Variants in ADAMTSL1 observed in about 807,000 individuals in gnomAD.
ADAMTSL1 encodes the protein ADAMTS-like protein 1.
In ADAMTSL1, 126 loss-of-function variants were observed where a neutral mutation model predicts 201.8. That is an observed-to-expected ratio of 0.62 (90% CI 0.54 to 0.72). The LOEUF is 0.72. ADAMTSL1 is among the 30% of genes least tolerant of loss of function. The probability of loss-of-function intolerance (pLI) is 0.00; values close to 1 mark genes in which losing one functional copy is unlikely to be tolerated. For missense variants in ADAMTSL1, 2,679 were observed against 2,277.8 expected (o/e 1.18, Z -3.59); for synonymous variants, 1,121 against 903.4 (o/e 1.24, Z -4.32).
At chr9:17,950,949 G>T (rs1441938456) in intron 1 of ADAMTSL1, among the ~76,000 whole-genome samples, 1 of 152,136 alleles carries the variant, frequency 6.6e-6, no homozygotes, top group Non-Finnish European at 1.5e-5. Context: ...CCCTAGGCTT[G>T]ACCCAGGGTT....
intron 4 of ADAMTSL1, among the ~76,000 whole-genome samples, chr9:18,590,808 T>C (rs2132475678): frequency 6.6e-6 from 1 of 152,234 alleles, no homozygotes; most frequent in African/African-American, 2.4e-5. Flanking sequence ...TCCATGTATT[T>C]GTATAGTTTC....
intron 2 of ADAMTSL1, among the ~76,000 whole-genome samples, chr9:18,383,717 A>AC (rs1837661826): frequency 1.3e-5 from 2 of 152,182 alleles, no homozygotes; most frequent in African/African-American, 4.8e-5. Context: ...ACACTGTCCT[A>AC]CCTTGAGGCT....
chr9:18,177,101 T>C (rs1401185112), intron 2 of ADAMTSL1, among the ~76,000 whole-genome samples: 2 of 152,182 alleles, frequency 1.3e-5, no homozygotes, highest in African/African-American at 4.8e-5. Flanking sequence ...CCTGACTCCA[T>C]TTAGAAAGTA....
chr9:18,614,257 G>C (rs1235151487), intron 4 of ADAMTSL1, among the ~76,000 whole-genome samples: 1 of 152,104 alleles, frequency 6.6e-6, no homozygotes, highest in Non-Finnish European at 1.5e-5. Flanking sequence ...GCCAGGTGTG[G>C]GGAGGATGTG....
intron 1 of ADAMTSL1, among the ~76,000 whole-genome samples, chr9:18,034,975 C>G (rs189450816): frequency 4.5e-4 from 69 of 152,208 alleles, no homozygotes; most frequent in African/African-American, 1.5e-3. Context: ...TAGTCTGTAT[C>G]CTGTGTTCTA....
chr9:18,622,365 C>G lies in ADAMTSL1; in HGVS notation c.597C>G (p.Thr199=), dbSNP rs777877015. The G allele has an allele frequency of 2.0e-5, 33 of 1,613,916 alleles. No homozygotes were observed. Among genetic ancestry groups the G allele is most frequent in the Middle Eastern group, 1.6e-4 (1 of 6,082 alleles). Residue 199 remains threonine, a synonymous_variant, in exon 5 of 29, where the codon ACC becomes ACG. Coordinates refer to ENST00000380548, the MANE Select transcript of ADAMTSL1 (RefSeq NM_001040272.6). The stretch of plus-strand genomic sequence containing the variant: ...AGTATAAATCCCAGCTCTCCGCAAC[C>G]AAATGTAAGACACACAGAGATGGGC... ...RGQYKSQLSA[T]KSDDTVVAIP...
At chr9:18,276,985 T>A (rs2132609194) in intron 2 of ADAMTSL1, among the ~76,000 whole-genome samples, 1 of 152,328 alleles carries the variant, frequency 6.6e-6, no homozygotes, top group South Asian at 2.1e-4. Context: ...TAAATTTCCC[T>A]TTTAATTTCT....
intron 1 of ADAMTSL1, among the ~76,000 whole-genome samples, chr9:18,075,426 C>G (rs1823174461): frequency 6.6e-6 from 1 of 152,250 alleles, no homozygotes; most frequent in East Asian, 1.9e-4. Flanking sequence ...TACGTTGGGA[C>G]TCACCCCACC....
chr9:18,150,985 G>C (rs529745867), intron 1 of ADAMTSL1, among the ~76,000 whole-genome samples: 1 of 152,014 alleles, frequency 6.6e-6, no homozygotes, highest in East Asian at 1.9e-4. Flanking sequence ...GATCCCCAGT[G>C]GAGAATGAAG....
intron 2 of ADAMTSL1, among the ~76,000 whole-genome samples, chr9:18,524,518 C>T (rs900522820): frequency 6.6e-6 from 1 of 152,048 alleles, no homozygotes; most frequent in Admixed American, 6.6e-5. Context: ...TGTTTTGTGC[C>T]AGTTTTCAAA....
chr9:18,595,858 G>C (rs1218295075), intron 4 of ADAMTSL1, among the ~76,000 whole-genome samples: 1 of 152,154 alleles, frequency 6.6e-6, no homozygotes, highest in Non-Finnish European at 1.5e-5. Context: ...AAGCAAGTTT[G>C]GCAGAGCAGA....
chr9:18,338,389 C>T (rs1433785038), intron 2 of ADAMTSL1, among the ~76,000 whole-genome samples: 2 of 152,080 alleles, frequency 1.3e-5, no homozygotes, highest in Non-Finnish European at 2.9e-5. Context: ...CAGGTTCCTA[C>T]CCTTCCTGCC....
intron 2 of ADAMTSL1, among the ~76,000 whole-genome samples, chr9:18,250,288 A>G (rs1314481103): frequency 6.6e-6 from 1 of 152,192 alleles, no homozygotes; most frequent in Non-Finnish European, 1.5e-5. Flanking sequence ...GAAATGTCTG[A>G]CAAATGTCCA....
intron 19 of ADAMTSL1, among the ~76,000 whole-genome samples, chr9:18,778,226 C>A (rs1034048060): frequency 6.6e-6 from 1 of 152,226 alleles, no homozygotes; most frequent in South Asian, 2.1e-4. Flanking sequence ...AGAAAGACAT[C>A]ATTCCAGGCC....
chr9:18,314,438 G>A (rs1159889230), intron 2 of ADAMTSL1, among the ~76,000 whole-genome samples: 1 of 151,984 alleles, frequency 6.6e-6, no homozygotes, highest in African/African-American at 2.4e-5. Flanking sequence ...TTGTGATCTC[G>A]CTGACTTCAG....
chr9:18,605,398 T>C (rs765971737), intron 4 of ADAMTSL1, among the ~76,000 whole-genome samples: 1 of 152,228 alleles, frequency 6.6e-6, no homozygotes, highest in African/African-American at 2.4e-5. Flanking sequence ...AAAGCGGTTA[T>C]GTTGAAAACA....
chr9:18,910,513 G>A lies in ADAMTSL1; in HGVS notation c.*1965G>A, dbSNP rs1007822305. 9 of 152,204 alleles carry A rather than the reference G, an allele frequency of 5.9e-5. No homozygotes were observed. Among genetic ancestry groups the A allele is most frequent in the African/African-American group, 1.9e-4 (8 of 41,448 alleles). 9.4% of individuals were successfully genotyped at this position (152,204 alleles called of 1,614,324 possible). On this transcript the variant is annotated 3_prime_UTR_variant, in exon 29 of 29. Transcript: ENST00000380548. ...TCTGGATCCATTCACTGTACAGGAT[G>A]TGTTGTAAAAACTAACATGGGATGC... is the stretch of plus-strand genomic sequence containing the variant.
At position 18,552,600 on chromosome 9, in the gene ADAMTSL1, A is replaced by C. The variant is rs552838740; in HGVS notation, c.237+19308A>C. On this transcript the variant is annotated intron_variant, in intron 3 of 28. Coordinates refer to ENST00000380548, the MANE Select transcript of ADAMTSL1 (RefSeq NM_001040272.6). ...TATTAAATGTCCTAGTTCTTTAATA[A>C]TTTTTTTAAAATACTTGAGAGAATG... Among the ~76,000 whole-genome samples the C allele has an allele frequency of 2.6e-5, 4 of 151,884 alleles. No individual in the cohort carries two copies. In the South Asian group the frequency reaches 6.2e-4, roughly 24 times the overall value.
At chr9:18,286,503 C>T (rs1832997673) in intron 2 of ADAMTSL1, among the ~76,000 whole-genome samples, 1 of 152,038 alleles carries the variant, frequency 6.6e-6, no homozygotes. Flanking sequence ...CCTTATAGCC[C>T]TGTAATAAAC....
Sources: gnomAD v4.1 joint callset for allele counts (sites outside exome capture counted in the v4.1 genomes callset) on GRCh38, gnomAD v4.1.1 for gene constraint, MANE v1.5 for transcripts, NCBI Gene and HGNC (gene_info 2026-07-23, HGNC 2026-07-21) for gene names.